SYNPO2: variants seen among roughly 807,000 people sequenced by gnomAD.
SYNPO2 encodes the protein synaptopodin-2.
Under a neutral mutation model 85.0 loss-of-function variants are expected in SYNPO2, and 56 were observed. The ratio of observed to expected loss-of-function variants is 0.66; its 90% CI spans 0.53 to 0.82. The LOEUF is 0.82. Ranked by LOEUF, SYNPO2 falls within the 40% of genes least tolerant of loss-of-function variation. SYNPO2 has a pLI of 0.00. For synonymous variants in SYNPO2, 602 were observed against 591.1 expected (o/e 1.02, Z -0.27); for missense variants, 1,575 against 1,534.2 (o/e 1.03, Z -0.44).
At chr4:119,000,742 A>G (rs77348550) in intron 1 of SYNPO2, among the ~76,000 whole-genome samples, 22,609 of 152,228 alleles carry the variant, frequency 0.15, 1,947 homozygotes, top group African/African-American at 0.24. Context: ...AGGAGAGAGA[A>G]GAAGCAAAGA....
chr4:118,940,364 C>A (rs1374252268), intron 1 of SYNPO2, among the ~76,000 whole-genome samples: 2 of 152,104 alleles, frequency 1.3e-5, no homozygotes, highest in African/African-American at 4.8e-5. Flanking sequence ...GTCTTCTCTC[C>A]CCTCTAATTT....
chr4:118,915,552 A>G (rs989214821), intron 1 of SYNPO2, among the ~76,000 whole-genome samples: 2 of 152,108 alleles, frequency 1.3e-5, no homozygotes, highest in African/African-American at 4.8e-5. Flanking sequence ...GTAATATTTC[A>G]TTGTGTGAGT....
In SYNPO2 at chr4:119,027,116, A is replaced by T; in HGVS notation, c.747A>T (p.Lys249Asn). ...TAAATTCGATCCCTACTAATGAGAA[A>T]GCAGACCCTTTCCTGAGGTCCAGCA... ...VHINSIPTNE[K>N]ADPFLRSSKI... The change falls in exon 3 of 5, where the codon AAA becomes AAT. Residue 249 changes from lysine (K) to asparagine (N), a missense_variant. Lys to Asn is a moderately conservative substitution (Grantham distance 94). This residue lies in a region of SYNPO2 where 1,508 missense variants were observed against 1,446.8 expected (regional missense o/e 1.04). Coordinates refer to ENST00000307142, the MANE Select transcript of SYNPO2 (RefSeq NM_133477.3). 6.2e-7 allele frequency: 1 copy of T among 1,614,218 alleles called. No homozygotes were observed. The highest frequency in any genetic ancestry group is 8.5e-7 in the Non-Finnish European group (1 of 1,180,052).
At chr4:118,949,346 C>G (rs1404211623) in intron 1 of SYNPO2, among the ~76,000 whole-genome samples, 1 of 152,168 alleles carries the variant, frequency 6.6e-6, no homozygotes, top group Non-Finnish European at 1.5e-5. Context: ...TACCCTAACC[C>G]TATGAAATTG....
In SYNPO2 at chr4:119,030,400, A is replaced by G. The variant is rs775753420; in HGVS notation, c.1625A>G (p.Glu542Gly). 1.2e-6 allele frequency: 2 copies of G among 1,614,200 alleles called. No individual in the cohort carries two copies. The highest frequency in any genetic ancestry group is 8.5e-7 in the Non-Finnish European group (1 of 1,180,028). The change falls in exon 4 of 5, where the codon GAG becomes GGG. Residue 542 changes from glutamate to glycine, a missense_variant. Coordinates refer to ENST00000307142, the MANE Select transcript of SYNPO2 (RefSeq NM_133477.3). ...TTTSYQRKEE[E>G]SVRTQSSVSK... The stretch of plus-strand genomic sequence containing the variant: ...ACTTCTTACCAAAGAAAGGAGGAAG[A>G]GTCGGTAAGAACGCAGAGCTCTGTG...
chr4:118,928,128 G>A (rs1010548264), intron 1 of SYNPO2, among the ~76,000 whole-genome samples: 6 of 152,162 alleles, frequency 3.9e-5, no homozygotes, highest in African/African-American at 1.4e-4. Flanking sequence ...TGCCTGGCCT[G>A]CTGCCATTCT....
chr4:119,040,036 T>C (rs754510066), intron 4 of SYNPO2, among the ~76,000 whole-genome samples: 3 of 152,142 alleles, frequency 2.0e-5, no homozygotes, highest in Non-Finnish European at 2.9e-5. Flanking sequence ...CTTCAATACC[T>C]CAGCTGTGAA....
At chr4:118,898,139 T>A (rs941168587) in intron 1 of SYNPO2, among the ~76,000 whole-genome samples, 5 of 152,150 alleles carry the variant, frequency 3.3e-5, no homozygotes, top group African/African-American at 1.2e-4. Context: ...GCAAAAACCT[T>A]CAAGCAGCTG....
chr4:119,007,573 G>C (rs902189818), intron 1 of SYNPO2, among the ~76,000 whole-genome samples: 1 of 151,666 alleles, frequency 6.6e-6, no homozygotes, highest in Non-Finnish European at 1.5e-5. Flanking sequence ...ATAATACTCT[G>C]TTCATCATTT....
chr4:118,997,178 T>G (rs1324658407), intron 1 of SYNPO2, among the ~76,000 whole-genome samples: 1 of 137,046 alleles, frequency 7.3e-6, no homozygotes, highest in East Asian at 2.1e-4. Context: ...AGGCGGAGCT[T>G]GCAGTGAGCC....
At chr4:118,936,917 A>C (rs961549879) in intron 1 of SYNPO2, among the ~76,000 whole-genome samples, 3 of 152,072 alleles carry the variant, frequency 2.0e-5, no homozygotes, top group African/African-American at 7.2e-5. Context: ...CATCCAGTCC[A>C]CCACCAAGTC....
intron 1 of SYNPO2, among the ~76,000 whole-genome samples, chr4:118,959,689 A>G (rs934506477): frequency 1.9e-5 from 2 of 104,142 alleles, no homozygotes; most frequent in Non-Finnish European, 4.8e-5. Context: ...CTGCCTGGCC[A>G]TACTTTCCTC....
chr4:119,004,856 G>C (rs988373423), intron 1 of SYNPO2, among the ~76,000 whole-genome samples: 5 of 151,964 alleles, frequency 3.3e-5, no homozygotes, highest in African/African-American at 7.2e-5. Context: ...GTGTAAAAGT[G>C]TTCCTATTTC....
At chr4:119,053,764 T>C (rs1739124204) in intron 4 of SYNPO2, among the ~76,000 whole-genome samples, 1 of 152,206 alleles carries the variant, frequency 6.6e-6, no homozygotes, top group African/African-American at 2.4e-5. Context: ...ATAATTCCTC[T>C]CTTTCATGTA....
At position 118,994,764 on chromosome 4, in the gene SYNPO2, A is replaced by G. The variant is rs560185600; in HGVS notation, c.106-28666A>G. On this transcript the variant is annotated intron_variant, in intron 1 of 4. Coordinates refer to ENST00000307142, the MANE Select transcript of SYNPO2 (RefSeq NM_133477.3). The stretch of plus-strand genomic sequence containing the variant: ...AACATCTTGGACATCTAAAGTTAAA[A>G]ATCGTAGGTGTTATAGAAAAAGATC... Among the ~76,000 whole-genome samples the G allele has an allele frequency of 5.9e-5, 9 of 152,310 alleles. No homozygotes were observed. In the South Asian group the frequency reaches 1.9e-3, roughly 32 times the overall value.
rs78224593 is a variant in SYNPO2 at position 119,000,876 on chromosome 4, C to T, written c.106-22554C>T. ...CTTTCTTTTCTTTTTTTCTCTCTCG[C>T]AACATCTGCTGAGACATAAGTCTAG... On this transcript the variant is annotated intron_variant, in intron 1 of 4. Transcript: ENST00000307142. 3.9e-4 allele frequency among the ~76,000 whole-genome samples: 59 copies of T among 152,236 alleles called. No individual in the cohort carries two copies. In the East Asian group the frequency reaches 7.7e-3, roughly 20 times the overall value.
Position 119,030,584 on chromosome 4 carries a change from C to A in SYNPO2, c.1809C>A (p.Phe603Leu). 1 of 1,614,154 alleles carries A rather than the reference C, an allele frequency of 6.2e-7. No individual in the cohort carries two copies. Among genetic ancestry groups the A allele is most frequent in the Non-Finnish European group, 8.5e-7 (1 of 1,180,028 alleles). ...CTGTGAATCAGCCAGCTACCCCCTT[C>A]TCGCCAACCCGAAACATGACGAGTC... ...PGSVNQPATP[F>L]SPTRNMTSPI... Residue 603 changes from phenylalanine (F) to leucine (L), a missense_variant, in exon 4 of 5, where the codon TTC becomes TTA. Phe to Leu is a conservative substitution (Grantham distance 22). Coordinates refer to ENST00000307142, the MANE Select transcript of SYNPO2 (RefSeq NM_133477.3).
intron 1 of SYNPO2, among the ~76,000 whole-genome samples, chr4:119,015,099 G>A (rs1018039327): frequency 6.6e-6 from 1 of 152,172 alleles, no homozygotes; most frequent in African/African-American, 2.4e-5. Context: ...GCACCCTAAT[G>A]TATCTTATAT....
At chr4:118,861,690 T>C (rs1731614535) in intron 1 of SYNPO2, among the ~76,000 whole-genome samples, 1 of 152,206 alleles carries the variant, frequency 6.6e-6, no homozygotes, top group Non-Finnish European at 1.5e-5. Context: ...TGTTATATTC[T>C]ACTGGTGTAT....
Sources: gnomAD v4.1 joint callset for allele counts (sites outside exome capture counted in the v4.1 genomes callset) on GRCh38, gnomAD v4.1.1 for gene constraint, gnomAD v4.1.1 regional missense constraint, MANE v1.5 for transcripts, NCBI Gene and HGNC (gene_info 2026-07-23, HGNC 2026-07-21) for gene names.